Variants in ZSWIM5 observed in about 807,000 individuals in gnomAD.
The protein encoded by ZSWIM5 is zinc finger SWIM-type containing 5, also known as zinc finger SWIM domain-containing protein 5.
In ZSWIM5, 55 loss-of-function variants were observed where a neutral mutation model predicts 119.6. The observed-to-expected ratio is 0.46, with a 90% CI of 0.37 to 0.58. The LOEUF (loss-of-function observed/expected upper bound fraction) is 0.58, where lower values mean the gene tolerates loss of function less well. ZSWIM5 is among the 20% of genes least tolerant of loss of function. The pLI is 0.00. For synonymous variants in ZSWIM5, 537 were observed against 606.9 expected (o/e 0.88, Z 1.69); for missense variants, 1,193 against 1,512.8 (o/e 0.79, Z 3.51).
chr1:45,162,770 G>A (rs1645871420), intron 1 of ZSWIM5, among the ~76,000 whole-genome samples: 1 of 152,214 alleles, frequency 6.6e-6, no homozygotes, highest in Non-Finnish European at 1.5e-5. Context: ...CCAGGCTGGG[G>A]GAGGGGCACC....
At chr1:45,117,492 T>G (rs907240370) in intron 1 of ZSWIM5, among the ~76,000 whole-genome samples, 3 of 152,044 alleles carry the variant, frequency 2.0e-5, no homozygotes, top group African/African-American at 7.2e-5. Flanking sequence ...CCTGGCAACA[T>G]AGTGAAACCC....
intron 1 of ZSWIM5, among the ~76,000 whole-genome samples, chr1:45,163,124 C>T (rs1645873997): frequency 6.6e-6 from 1 of 152,152 alleles, no homozygotes; most frequent in African/African-American, 2.4e-5. Context: ...GATGAAGCTT[C>T]CAGAGGGAGG....
chr1:45,020,561 A>G, intron 12 of ZSWIM5, 64 bp downstream of exon 12: 1 of 1,562,036 alleles, frequency 6.4e-7, no homozygotes, highest in East Asian at 2.2e-5. Context: ...CAGAGATCTT[A>G]TCTTCTGCCA....
At chr1:45,136,520 T>C (rs558244466) in intron 1 of ZSWIM5, among the ~76,000 whole-genome samples, 2 of 152,278 alleles carry the variant, frequency 1.3e-5, no homozygotes, top group Admixed American at 6.5e-5. Flanking sequence ...AATATCAGGA[T>C]TTCCTGGGCC....
chr1:45,189,742 C>T (rs1363100323), intron 1 of ZSWIM5, among the ~76,000 whole-genome samples: 1 of 152,126 alleles, frequency 6.6e-6, no homozygotes, highest in East Asian at 1.9e-4. Context: ...GGTGACAGAG[C>T]TGGATTTCGT....
intron 2 of ZSWIM5, among the ~76,000 whole-genome samples, chr1:45,062,061 G>T (rs749285280): frequency 6.6e-6 from 1 of 152,092 alleles, no homozygotes. Flanking sequence ...CTGCACTCCC[G>T]CCTGGGCAAC....
At chr1:45,205,437 A>G (rs1033205796) in intron 1 of ZSWIM5, among the ~76,000 whole-genome samples, 4 of 152,174 alleles carry the variant, frequency 2.6e-5, no homozygotes, top group African/African-American at 9.7e-5. Context: ...AATTAGGACA[A>G]CACATTTCTG....
At chr1:45,167,513 A>G (rs1645913470) in intron 1 of ZSWIM5, among the ~76,000 whole-genome samples, 2 of 152,208 alleles carry the variant, frequency 1.3e-5, no homozygotes, top group Middle Eastern at 3.4e-3. Flanking sequence ...CAGCAAAAGA[A>G]ACTACCATCA....
rs193065934 is a variant in ZSWIM5 at position 45,055,286 on chromosome 1, G to A, written c.1252+3323C>T. On this transcript the variant is annotated intron_variant, in intron 4 of 13. Transcript: ENST00000359600. Reference sequence around the variant, plus strand: ...ATTACAGGTGTGAGCCACTGTGCCCGGCCAGTTTTTTGTATTTTTAGTAGA... The same window carrying A: ...ATTACAGGTGTGAGCCACTGTGCCCAGCCAGTTTTTTGTATTTTTAGTAGA... Among the ~76,000 whole-genome samples the A allele has an allele frequency of 2.0e-3, 306 of 152,028 alleles. 1 individual carries two copies. Among genetic ancestry groups the A allele is most frequent in the African/African-American group, 7.0e-3 (290 of 41,496 alleles).
rs549619328 is a variant in ZSWIM5 at position 45,179,501 on chromosome 1, T to C, written c.595+26255A>G. Among the ~76,000 whole-genome samples, 154 of 152,286 alleles carry C rather than the reference T, an allele frequency of 1.0e-3. 1 individual carries two copies. Among genetic ancestry groups the C allele is most frequent in the African/African-American group, 3.4e-3 (143 of 41,574 alleles). On this transcript the variant is annotated intron_variant, in intron 1 of 13. Transcript: ENST00000359600. ...AATACCTATTGGGTACTATGCTCAC[T>C]ACCTGGGTAACAGATTCATTCGTAC...
At chr1:45,034,559 C>T (rs760252357) in intron 10 of ZSWIM5, 90 bp from the exon 11 acceptor site, 45 of 1,446,824 alleles carry the variant, frequency 3.1e-5, no homozygotes, top group Non-Finnish European at 4.2e-5. Flanking sequence ...TGGGGAGGAA[C>T]TGGGGAGAGG....
chr1:45,165,366 A>G (rs1645894470), intron 1 of ZSWIM5, among the ~76,000 whole-genome samples: 1 of 152,186 alleles, frequency 6.6e-6, no homozygotes. Flanking sequence ...AGAAAGCAGG[A>G]AAGATCTAAA....
intron 2 of ZSWIM5, among the ~76,000 whole-genome samples, chr1:45,080,557 C>T (rs1308463632): frequency 6.6e-6 from 1 of 152,242 alleles, no homozygotes; most frequent in East Asian, 1.9e-4. Flanking sequence ...TTCCTCAGTG[C>T]CTCTTTTAGC....
rs1007420691 is a variant in ZSWIM5, at chr1:45,044,822, A to C, written c.1433-1427T>G. 5.0e-3 allele frequency among the ~76,000 whole-genome samples: 7 copies of C among 1,398 alleles called. 1 individual carries two copies. Among genetic ancestry groups the C allele is most frequent in the African/African-American group, 9.0e-3 (3 of 332 alleles). 0.9% of individuals were successfully genotyped at this position (1,398 alleles called of 152,430 possible). ...ATATATAAATATATATATATATATA[A>C]ATATATATATATAAATATATATATA... On this transcript the variant is annotated intron_variant, in intron 5 of 13. Coordinates refer to ENST00000359600, the MANE Select transcript of ZSWIM5 (RefSeq NM_020883.2).
intron 1 of ZSWIM5, among the ~76,000 whole-genome samples, chr1:45,164,587 A>G (rs1645888782): frequency 6.6e-6 from 1 of 152,170 alleles, no homozygotes; most frequent in African/African-American, 2.4e-5. Flanking sequence ...TCTCACGTGC[A>G]GAGACACACA....
intron 11 of ZSWIM5, among the ~76,000 whole-genome samples, chr1:45,021,187 C>T (rs918527088): frequency 1.3e-5 from 2 of 152,190 alleles, no homozygotes; most frequent in Non-Finnish European, 2.9e-5. Flanking sequence ...GGGCGCCCGC[C>T]ACCACGCCCG....
Position 45,035,780 on chromosome 1 carries a change from ACT to A in ZSWIM5, c.2197_2198del (p.Ser733CysfsTer18), listed in dbSNP as rs764597948. 1.2e-6 allele frequency: 2 copies of A among 1,610,138 alleles called. No homozygotes were observed. Among genetic ancestry groups the A allele is most frequent in the Admixed American group, 3.4e-5 (2 of 59,626 alleles). On this transcript the variant is annotated frameshift_variant, in exon 10 of 14. Coordinates refer to ENST00000359600, the MANE Select transcript of ZSWIM5 (RefSeq NM_020883.2). LOFTEE classifies it high-confidence loss of function. ...ACTTGGCAAAGGTATGCATGGGAACACTCTCTCGGTGGATGACTTCTCCCAGA... is the reference window on the plus strand; with the variant it reads ...ACTTGGCAAAGGTATGCATGGGAACACTCTCGGTGGATGACTTCTCCCAGA... ...SGLGEVIHRE[S>X]VPMHTFAKYL...
At chr1:45,187,858 G>A (rs1646068328) in intron 1 of ZSWIM5, among the ~76,000 whole-genome samples, 1 of 152,052 alleles carries the variant, frequency 6.6e-6, no homozygotes, top group Admixed American at 6.6e-5. Context: ...AACATCATTA[G>A]TCACCAGAGA....
intron 2 of ZSWIM5, among the ~76,000 whole-genome samples, chr1:45,067,083 C>T (rs1056364368): frequency 6.6e-6 from 1 of 151,902 alleles, no homozygotes; most frequent in Non-Finnish European, 1.5e-5. Context: ...TCTTGGGATG[C>T]CTTTATGACA....
Sources: allele counts gnomAD v4.1 joint callset (sites outside exome capture counted in the v4.1 genomes callset), GRCh38; gene constraint gnomAD v4.1.1; transcripts MANE v1.5; gene names NCBI Gene and HGNC (gene_info 2026-07-23, HGNC 2026-07-21).